The following FRYL variants were observed in gnomAD, a reference collection of about 807,000 sequenced individuals.
FRYL encodes protein furry homolog-like.
FRYL carries 150 observed loss-of-function variants against 351.2 expected under a neutral mutation model. The observed-to-expected ratio is 0.43, with a 90% CI of 0.37 to 0.49. The LOEUF (loss-of-function observed/expected upper bound fraction) is 0.49, where lower values mean the gene tolerates loss of function less well. Ranked by LOEUF, FRYL falls within the 20% of genes least tolerant of loss-of-function variation. The probability of loss-of-function intolerance (pLI) is 0.00; values close to 1 mark genes in which losing one functional copy is unlikely to be tolerated. For missense variants in FRYL, 3,036 were observed against 3,619.3 expected (o/e 0.84, Z 4.13); for synonymous variants, 1,153 against 1,257.1 (o/e 0.92, Z 1.75).
rs1323277304 is a variant in FRYL, at chr4:48,548,763, A to G, written c.4815T>C (p.Asp1605=). ...CCTTCACACTATGATCAATGATGAG[A>G]TCAGTCAAAAGGATCACTGCTATGT... ...RCNIAVILLT[D]LIIDHSVKVE... is the part of the protein sequence containing the mutation. The change falls in exon 40 of 64, where the codon GAT becomes GAC. Residue 1605 remains aspartate, a synonymous_variant. Coordinates refer to ENST00000358350, the MANE Select transcript of FRYL (RefSeq NM_015030.2). The G allele has an allele frequency of 6.2e-7, 1 of 1,611,308 alleles. No individual in the cohort carries two copies. The highest frequency in any genetic ancestry group is 1.7e-5 in the Admixed American group (1 of 59,940).
At chr4:48,687,620 A>G (rs2149552272) in intron 2 of FRYL, among the ~76,000 whole-genome samples, 1 of 152,230 alleles carries the variant, frequency 6.6e-6, no homozygotes, top group South Asian at 2.1e-4. Context: ...CAGAATTTCT[A>G]GAATAATAAC....
intron 5 of FRYL, 48 bp from the exon 6 acceptor site, chr4:48,620,826 AC>A (rs562581415): frequency 6.6e-7 from 1 of 1,516,512 alleles, no homozygotes; most frequent in South Asian, 1.1e-5. Context: ...CACTGAATGT[AC>A]CACACTCTTA....
chr4:48,499,522 T>C lies in FRYL; in HGVS notation c.8942A>G (p.Glu2981Gly). The stretch of plus-strand genomic sequence containing the variant: ...AGACTCTCTTATTTCCAGATTAAGT[T>C]CCATCAGTTTGTAGTTGGCTTCTGA... Reference protein sequence around the residue: ...DMSEANYKLMELNLEIRESLR... With the variant: ...DMSEANYKLMGLNLEIRESLR... The change falls in exon 64 of 64, where the codon GAA (glutamate) becomes GGA (glycine). Residue 2981 changes from glutamate (E) to glycine (G), a missense_variant. Glu to Gly is a moderately conservative substitution (Grantham distance 98). This residue lies in a region of FRYL where 1,987 missense variants were observed against 2,311.7 expected (regional missense o/e 0.86). Coordinates refer to ENST00000358350, the MANE Select transcript of FRYL (RefSeq NM_015030.2). 1 of 1,614,136 alleles carries C rather than the reference T, an allele frequency of 6.2e-7. No homozygotes were observed. The highest frequency in any genetic ancestry group is 8.5e-7 in the Non-Finnish European group (1 of 1,179,982).
At chr4:48,653,881 C>A in intron 3 of FRYL, 5 of 1,275,112 alleles carry the variant, frequency 3.9e-6, no homozygotes, top group South Asian at 3.8e-5. Context: ...TCTCTCCAAG[C>A]CGCTGTCCCT....
At chr4:48,575,646 C>T (rs1371267196) in intron 24 of FRYL, among the ~76,000 whole-genome samples, 1 of 152,018 alleles carries the variant, frequency 6.6e-6, no homozygotes, top group African/African-American at 2.4e-5. Context: ...TATCAAGTAC[C>T]CTTTAGATCA....
rs1362790890 is a variant in FRYL, at chr4:48,498,511, T to C, written c.*911A>G. ...TGACAGGCAGCATACATCTTTATTT[T>C]ACATTTTAAAGTCTCTGCAGGCATC... On this transcript the variant is annotated 3_prime_UTR_variant, in exon 64 of 64. Coordinates refer to ENST00000358350, the MANE Select transcript of FRYL (RefSeq NM_015030.2). 6.6e-6 allele frequency: 1 copy of C among 152,644 alleles called. No homozygotes were observed. Among genetic ancestry groups the C allele is most frequent in the Non-Finnish European group, 1.5e-5 (1 of 68,046 alleles). The allele number at this position is 152,644 out of a possible 1,614,324, so 9.5% of individuals were successfully genotyped here.
At chr4:48,612,824 C>T (rs1748510839) in intron 7 of FRYL, among the ~76,000 whole-genome samples, 1 of 151,810 alleles carries the variant, frequency 6.6e-6, no homozygotes, top group Non-Finnish European at 1.5e-5. Context: ...CTCCTGACCT[C>T]GTGATCCACT....
At chr4:48,605,886 A>C (rs2003890893) in intron 10 of FRYL, 53 bp from the exon 11 acceptor site, 2 of 1,036,194 alleles carry the variant, frequency 1.9e-6, no homozygotes, top group Non-Finnish European at 2.9e-6. Flanking sequence ...AAGGTTAAAG[A>C]ATTTGTAATA....
chr4:48,722,030 T>G (rs1441538063), intron 1 of FRYL, among the ~76,000 whole-genome samples: 1 of 152,010 alleles, frequency 6.6e-6, no homozygotes, highest in Non-Finnish European at 1.5e-5. Flanking sequence ...GTTTTTGGAG[T>G]GGGAAGTTGG....
At chr4:48,750,347 C>T (rs1033345756) in intron 1 of FRYL, among the ~76,000 whole-genome samples, 1 of 148,294 alleles carries the variant, frequency 6.7e-6, no homozygotes, top group Non-Finnish European at 1.5e-5. Flanking sequence ...TATAGTCCCA[C>T]CTACTTGGGA....
intron 33 of FRYL, among the ~76,000 whole-genome samples, chr4:48,558,002 A>C (rs1578109754): frequency 6.6e-6 from 1 of 152,212 alleles, no homozygotes; most frequent in East Asian, 1.9e-4. Flanking sequence ...AAACAGTATG[A>C]TGGTTCCTCA....
At chr4:48,751,951 C>T (rs1328131157) in intron 1 of FRYL, among the ~76,000 whole-genome samples, 1 of 152,014 alleles carries the variant, frequency 6.6e-6, no homozygotes, top group Non-Finnish European at 1.5e-5. Flanking sequence ...TCCCATTCTC[C>T]TTTGCCAGTG....
Position 48,561,458 on chromosome 4 carries a change from T to C in FRYL, c.3865+10A>G, listed in dbSNP as rs199983668. 61 of 1,536,322 alleles carry C rather than the reference T, an allele frequency of 4.0e-5. No individual in the cohort carries two copies. The highest frequency in any genetic ancestry group is 5.1e-5 in the Non-Finnish European group (58 of 1,137,450). Reference sequence around the variant, plus strand: ...CAAATAGAAACTACTAACCAGTTCATTGATCATACCTGAGAATATGGCGAG... The same window carrying C: ...CAAATAGAAACTACTAACCAGTTCACTGATCATACCTGAGAATATGGCGAG... On this transcript the variant is annotated intron_variant, in intron 33 of 63. Transcript: ENST00000358350.
At chr4:48,700,303 A>T (rs1384994176) in intron 2 of FRYL, among the ~76,000 whole-genome samples, 1 of 152,228 alleles carries the variant, frequency 6.6e-6, no homozygotes, top group Non-Finnish European at 1.5e-5. Flanking sequence ...TGAGAGGGGA[A>T]ATAAGACACC....
chr4:48,762,860 T>C (rs925839643), intron 1 of FRYL, among the ~76,000 whole-genome samples: 23 of 152,218 alleles, frequency 1.5e-4, no homozygotes, highest in African/African-American at 4.8e-4. Flanking sequence ...ATAAAACAAA[T>C]CAAACTTTAA....
At chr4:48,699,655 T>G (rs1431967680) in intron 2 of FRYL, among the ~76,000 whole-genome samples, 1 of 152,162 alleles carries the variant, frequency 6.6e-6, no homozygotes. Context: ...AGGGAAAATG[T>G]GACAAAGTAA....
intron 1 of FRYL, among the ~76,000 whole-genome samples, chr4:48,718,716 A>G (rs115097924): frequency 0.021 from 3,111 of 151,590 alleles, 125 homozygotes; most frequent in Non-Finnish European, 0.033. Flanking sequence ...CAAGACTGCT[A>G]AAGTCCCTCC....
chr4:48,527,424 A>G, intron 53 of FRYL, 53 bp downstream of exon 53: 2 of 1,433,538 alleles, frequency 1.4e-6, no homozygotes, highest in Non-Finnish European at 1.9e-6. Flanking sequence ...TCAAATCCTT[A>G]ATTCTCATAC....
chr4:48,609,704 G>C, intron 8 of FRYL, 40 bp downstream of exon 8: 2 of 979,642 alleles, frequency 2.0e-6, no homozygotes. Context: ...GACCTGGATT[G>C]CAAAAAAAGG....
Sources: allele counts gnomAD v4.1 joint callset (sites outside exome capture counted in the v4.1 genomes callset), GRCh38; gene constraint gnomAD v4.1.1; regional missense constraint gnomAD v4.1.1; transcripts MANE v1.5; gene names NCBI Gene and HGNC (gene_info 2026-07-23, HGNC 2026-07-21).